Variants in NMNAT1 observed in about 807,000 individuals in gnomAD.
The protein encoded by NMNAT1 is nicotinamide nucleotide adenylyltransferase 1.
In NMNAT1, 11 loss-of-function variants were observed where a neutral mutation model predicts 16.7. That is an observed-to-expected ratio of 0.66 (90% CI 0.41 to 1.09). The LOEUF (loss-of-function observed/expected upper bound fraction) is 1.09. Among genes scored for constraint, NMNAT1 ranks in the 50% least tolerant of loss-of-function variants. The probability of loss-of-function intolerance (pLI) is 0.00; values close to 1 mark genes in which losing one functional copy is unlikely to be tolerated. For missense variants in NMNAT1, 280 were observed against 332.3 expected (o/e 0.84, Z 1.22); for synonymous variants, 110 against 119.8 (o/e 0.92, Z 0.53).
intron 1 of NMNAT1, among the ~76,000 whole-genome samples, chr1:9,952,834 C>T (rs117217190): frequency 0.014 from 2,203 of 152,042 alleles, 24 homozygotes; most frequent in East Asian, 0.033. Flanking sequence ...CCACCACGCT[C>T]GGCTAGAAAC....
intron 4 of NMNAT1, 63 bp downstream of exon 4, chr1:9,981,233 C>T (rs1426514531): frequency 1.3e-6 from 2 of 1,566,158 alleles, no homozygotes; most frequent in Non-Finnish European, 1.7e-6. Flanking sequence ...TGAGCAAACC[C>T]CTGTGTATTT....
At chr1:9,944,655 AT>A (rs1557452079) in intron 1 of NMNAT1, among the ~76,000 whole-genome samples, 1 of 152,144 alleles carries the variant, frequency 6.6e-6, no homozygotes, top group Non-Finnish European at 1.5e-5. Context: ...TGTTGTGGTG[AT>A]TGGCACAAGC....
chr1:9,976,156 G>GT (rs1641809072), intron 3 of NMNAT1, among the ~76,000 whole-genome samples: 1 of 151,752 alleles, frequency 6.6e-6, no homozygotes, highest in African/African-American at 2.4e-5. Context: ...GCATGGTGGC[G>GT]CATGCCTGTA....
chr1:9,994,422 C>T, the NMNAT1 span, among the ~76,000 whole-genome samples: 2 of 150,794 alleles, frequency 1.3e-5, no homozygotes, highest in African/African-American at 4.9e-5. Flanking sequence ...CAAATGTTAG[C>T]TTTTATTTTT....
intron 3 of NMNAT1, among the ~76,000 whole-genome samples, chr1:9,980,751 G>A (rs1472406036): frequency 6.6e-6 from 1 of 151,530 alleles, no homozygotes; most frequent in Admixed American, 6.6e-5. Context: ...CTGCCTCCCA[G>A]GTTCAAGTGA....
At chr1:9,980,057 G>A (rs1412138157) in intron 3 of NMNAT1, among the ~76,000 whole-genome samples, 12 of 150,790 alleles carry the variant, frequency 8.0e-5, no homozygotes, top group Admixed American at 1.3e-4. Flanking sequence ...TCAGCCTCCC[G>A]AGTAGCTGGG....
chr1:9,950,920 C>T (rs538498743), intron 1 of NMNAT1, among the ~76,000 whole-genome samples: 13 of 152,144 alleles, frequency 8.5e-5, no homozygotes, highest in African/African-American at 3.1e-4. Flanking sequence ...GAAACCCCAT[C>T]TCTACTAAAA....
At chr1:9,957,164 G>A (rs1641282559) in intron 1 of NMNAT1, among the ~76,000 whole-genome samples, 3 of 152,034 alleles carry the variant, frequency 2.0e-5, no homozygotes, top group Non-Finnish European at 4.4e-5. Flanking sequence ...TGAGTAGCTG[G>A]GATTACAGGA....
chr1:9,986,221 T>C (rs549576979), downstream of NMNAT1, among the ~76,000 whole-genome samples: 1 of 152,104 alleles, frequency 6.6e-6, no homozygotes, highest in East Asian at 1.9e-4. Context: ...TTAGGGAAAA[T>C]AGCAAACACA....
chr1:9,954,555 C>G (rs187520489), intron 1 of NMNAT1, among the ~76,000 whole-genome samples: 15 of 152,174 alleles, frequency 9.9e-5, no homozygotes, highest in African/African-American at 3.6e-4. Flanking sequence ...TGTTTTTCTA[C>G]GCAGAATCAT....
intron 1 of NMNAT1, among the ~76,000 whole-genome samples, chr1:9,966,346 C>T (rs1403334152): frequency 6.6e-6 from 1 of 151,878 alleles, no homozygotes; most frequent in African/African-American, 2.4e-5. Flanking sequence ...GGCGCGGTGG[C>T]TCACGCCTGT....
intron 1 of NMNAT1, chr1:9,952,237 G>A (rs2101644619): frequency 6.6e-6 from 1 of 152,268 alleles, no homozygotes; most frequent in South Asian, 2.1e-4. Flanking sequence ...GGGAGGCGGA[G>A]CTTGCAGTAA....
intron 3 of NMNAT1, 110 bp downstream of exon 3, chr1:9,975,885 C>A: frequency 1.1e-6 from 1 of 869,890 alleles, no homozygotes; most frequent in Non-Finnish European, 1.8e-6. Context: ...ATTTGCAAAA[C>A]TGTCACGTGT....
At chr1:9,992,728 A>G in the NMNAT1 span, among the ~76,000 whole-genome samples, 2 of 151,930 alleles carry the variant, frequency 1.3e-5, no homozygotes, top group South Asian at 2.1e-4. Context: ...TGGCTAACAC[A>G]GTGAAACCCC....
At chr1:9,952,134 T>C (rs1557456808) in intron 1 of NMNAT1, among the ~76,000 whole-genome samples, 1 of 150,182 alleles carries the variant, frequency 6.7e-6, no homozygotes, top group African/African-American at 2.4e-5. Context: ...CCATCTCTAC[T>C]AAAAAAAAAT....
At chr1:9,988,658 C>T (rs1365218571), downstream of NMNAT1, among the ~76,000 whole-genome samples, 2 of 141,286 alleles carry the variant, frequency 1.4e-5, no homozygotes, top group East Asian at 2.2e-4. Flanking sequence ...GAGCCAAGAT[C>T]GCGCCACTGC....
At chr1:9,953,400 C>T (rs1369482452) in intron 1 of NMNAT1, among the ~76,000 whole-genome samples, 12 of 151,486 alleles carry the variant, frequency 7.9e-5, no homozygotes, top group Admixed American at 7.9e-4. Flanking sequence ...CTCCAGCCTC[C>T]TGAGTAGCTG....
chr1:9,956,420 C>CT (rs758331917), intron 1 of NMNAT1, among the ~76,000 whole-genome samples: 10,926 of 117,500 alleles, frequency 0.093, 730 homozygotes, highest in East Asian at 0.2. Context: ...ATTGGTCTAC[C>CT]TTTTTTTTTT....
At chr1:9,991,994 G>A in the NMNAT1 span, among the ~76,000 whole-genome samples, 1 of 152,024 alleles carries the variant, frequency 6.6e-6, no homozygotes, top group Non-Finnish European at 1.5e-5. Context: ...AAACCTGGGA[G>A]GCAGAGGTTG....
Sources: gnomAD v4.1 joint callset for allele counts (sites outside exome capture counted in the v4.1 genomes callset) on GRCh38, gnomAD v4.1.1 for gene constraint, MANE v1.5 for transcripts, NCBI Gene and HGNC (gene_info 2026-07-23, HGNC 2026-07-21) for gene names.